Variants in SLC4A9 observed in about 807,000 individuals in gnomAD.
SLC4A9 encodes the protein anion exchange protein 4.
In SLC4A9, 102 loss-of-function variants were observed where a neutral mutation model predicts 103.2. That is an observed-to-expected ratio of 0.99 (90% confidence interval 0.84 to 1.17). The LOEUF is 1.17. SLC4A9 is among the 50% of genes most tolerant of loss of function. The pLI, the probability that SLC4A9 is intolerant of heterozygous loss-of-function variation, is 0.00. For missense variants in SLC4A9, 1,091 were observed against 1,193.7 expected, an observed-to-expected ratio of 0.91 and a Z score of 1.27; for synonymous variants, 453 against 483.6, an observed-to-expected ratio of 0.94 and a Z score of 0.83.
Position 140,363,727 on chromosome 5 carries a change from G to A in SLC4A9, c.1080-1G>A, listed in dbSNP as rs766339661. On this transcript the variant is annotated splice_acceptor_variant, in intron 8 of 21. Coordinates refer to ENST00000506757, the MANE Select transcript of SLC4A9 (RefSeq NM_031467.3). LOFTEE classifies it high-confidence loss of function. The surrounding 1 kb of genome is among the most constrained non-coding windows in gnomAD (Gnocchi z 4.5). ...GATCACTGACGACCCTCGGGCGGGAGGCTGTTTGGGGGCCTTATCCAGGAC... is the reference window on the plus strand; with the variant it reads ...GATCACTGACGACCCTCGGGCGGGAAGCTGTTTGGGGGCCTTATCCAGGAC... 13 of 1,613,434 alleles carry A rather than the reference G, an allele frequency of 8.1e-6. No homozygotes were observed. In the African/African-American group the frequency reaches 1.7e-4, roughly 22 times the overall value.
Position 140,366,157 on chromosome 5 carries a change from A to C in SLC4A9, c.1906A>C (p.Lys636Gln). 1 of 1,613,478 alleles carries C rather than the reference A, an allele frequency of 6.2e-7. No individual in the cohort carries two copies. The highest frequency in any genetic ancestry group is 8.5e-7 in the Non-Finnish European group (1 of 1,179,616). ...TSRFFPSVVR[K>Q]GLSDFSSVLA... ...AGTGTCCACTGTGTGCCAGGTGCGC[A>C]AAGGGCTCAGCGACTTCTCCTCAGT... The change falls in exon 14 of 22, where the codon AAA becomes CAA. Residue 636 changes from lysine (K) to glutamine (Q), a missense_variant. Physicochemically the swap from Lys to Gln is moderately conservative, Grantham distance 53 (BLOSUM62 1). Coordinates refer to ENST00000506757, the MANE Select transcript of SLC4A9 (RefSeq NM_031467.3).
chr5:140,370,622 C>CT (rs1240273275), intron 17 of SLC4A9, among the ~76,000 whole-genome samples: 1 of 152,084 alleles, frequency 6.6e-6, no homozygotes, highest in Non-Finnish European at 1.5e-5. Flanking sequence ...CAATGAAGAC[C>CT]TTTCAGGGTG....
Position 140,360,510 on chromosome 5 carries a change from C to T in SLC4A9, c.230+44C>T, listed in dbSNP as rs1766908409. 6.0e-6 allele frequency: 9 copies of T among 1,502,358 alleles called. 1 individual carries two copies. In the South Asian group the frequency reaches 1.1e-4, roughly 18 times the overall value. The allele number at this position is 1,502,358 out of a possible 1,614,324, so 93.1% of individuals were successfully genotyped here. ...AGTTCTGTGGGATCCTTCCCCTTCC[C>T]CAGCTGGAGCCTCCTATATGTCCCC... On this transcript the variant is annotated intron_variant, in intron 1 of 21. Coordinates refer to ENST00000506757, the MANE Select transcript of SLC4A9 (RefSeq NM_031467.3).
intron 17 of SLC4A9, among the ~76,000 whole-genome samples, chr5:140,370,189 C>T (rs1180895346): frequency 2.6e-5 from 4 of 151,094 alleles, no homozygotes; most frequent in Non-Finnish European, 5.9e-5. Flanking sequence ...AGAAGCCAGG[C>T]ACGGTGGCTC....
chr5:140,362,668 G>A (rs1468192103), intron 6 of SLC4A9, 136 bp downstream of exon 6: 2 of 1,011,176 alleles, frequency 2.0e-6, no homozygotes, highest in South Asian at 1.4e-5. Context: ...CAGCAATGAG[G>A]CACAGTGAGC....
At chr5:140,368,507 C>A in intron 16 of SLC4A9, 80 bp from the exon 17 acceptor site, 1 of 1,247,458 alleles carries the variant, frequency 8.0e-7, no homozygotes, top group Non-Finnish European at 1.1e-6. Context: ...GGGGTCTGTA[C>A]TGGTATTCAG....
At position 140,362,898 on chromosome 5, in the gene SLC4A9, G is replaced by A. The variant is rs192346376; in HGVS notation, c.808-14G>A. 5.5e-5 allele frequency: 88 copies of A among 1,613,956 alleles called. No homozygotes were observed. The East Asian group carries it at 1.9e-3, about 35-fold the overall frequency. ...GGTTTGCACTTACCACCCATTCTGT[G>A]CCCCCATTCCCAGCAATTCCAGTGG... On this transcript the variant is annotated splice_polypyrimidine_tract_variant and intron_variant, in intron 6 of 21. Transcript: ENST00000506757.
At chr5:140,366,830 G>A (rs1347086230) in intron 14 of SLC4A9, among the ~76,000 whole-genome samples, 1 of 152,158 alleles carries the variant, frequency 6.6e-6, no homozygotes. Context: ...CCCTGATCCA[G>A]GAAAGCTGGA....
In SLC4A9 at chr5:140,360,914, G is replaced by A. The variant is rs753041965; in HGVS notation, c.333G>A (p.Leu111=). Reference sequence around the variant, plus strand: ...CCAGCCTCCAGAAGCTCCGCAGCCTGCTGGCCGAGGGCCTTGTACTGCTGG... The same window carrying A: ...CCAGCCTCCAGAAGCTCCGCAGCCTACTGGCCGAGGGCCTTGTACTGCTGG... ...ALPSLQKLRS[L]LAEGLVLLDC... The change falls in exon 2 of 22, where the codon CTG becomes CTA. Residue 111 remains leucine, a synonymous_variant. Transcript: ENST00000506757. The A allele has an allele frequency of 2.4e-5, 38 of 1,604,912 alleles. No homozygotes were observed. The highest frequency in any genetic ancestry group is 3.1e-5 in the Non-Finnish European group (37 of 1,176,270).
At position 140,362,200 on chromosome 5, in the gene SLC4A9, C is replaced by T. The variant is rs6865864; in HGVS notation, c.719+26C>T. On this transcript the variant is annotated intron_variant, in intron 5 of 21. Coordinates refer to ENST00000506757, the MANE Select transcript of SLC4A9 (RefSeq NM_031467.3). ...GTGAGGCTACTGAGTGAGTGGGAGT[C>T]AGGGATCCCAGAACCTAGAAGGGTC... 3.2e-3 allele frequency: 4,788 copies of T among 1,497,692 alleles called. 141 individuals carry two copies. The African/African-American group carries it at 0.058, about 18-fold the overall frequency. 92.8% of individuals were successfully genotyped at this position (1,497,692 alleles called of 1,614,324 possible).
intron 6 of SLC4A9, 30 bp downstream of exon 6, chr5:140,362,562 G>A (rs764833730): frequency 1.4e-5 from 23 of 1,594,514 alleles, no homozygotes; most frequent in South Asian, 2.2e-5. Context: ...GTGTGTGCGC[G>A]CGCACGCGTG....
Position 140,363,745 on chromosome 5 carries a change from T to C in SLC4A9, c.1097T>C (p.Ile366Thr). Residue 366 changes from isoleucine (I) to threonine (T), a missense_variant, in exon 9 of 22, where the codon ATC becomes ACC. Coordinates refer to ENST00000506757, the MANE Select transcript of SLC4A9 (RefSeq NM_031467.3). The surrounding 1 kb of genome is among the most constrained non-coding windows in gnomAD (Gnocchi z 4.5). ...GGCGGGAGGCTGTTTGGGGGCCTTA[T>C]CCAGGACGTGCGCAGGAAGGTCCCG... ...QRTGRLFGGL[I>T]QDVRRKVPWY... The C allele has an allele frequency of 6.2e-7, 1 of 1,613,762 alleles. No homozygotes were observed. The highest frequency in any genetic ancestry group is 2.2e-5 in the East Asian group (1 of 44,870).
At chr5:140,369,653 G>T (rs544463296) in intron 17 of SLC4A9, among the ~76,000 whole-genome samples, 1 of 152,180 alleles carries the variant, frequency 6.6e-6, no homozygotes, top group Non-Finnish European at 1.5e-5. Context: ...CAGATGGACC[G>T]GATCAGCCAC....
At chr5:140,361,608 T>C (rs929799945) in intron 3 of SLC4A9, among the ~76,000 whole-genome samples, 200 bp from the exon 4 acceptor site, 4 of 152,348 alleles carry the variant, frequency 2.6e-5, no homozygotes, top group Admixed American at 2.6e-4. Flanking sequence ...ATCTTCACAG[T>C]ATCTCATTTG....
At chr5:140,371,419 G>T (rs753925103) in intron 18 of SLC4A9, 32 bp from the exon 19 acceptor site, 2 of 1,612,838 alleles carry the variant, frequency 1.2e-6, no homozygotes, top group African/African-American at 2.7e-5. Flanking sequence ...CTACCTGAGT[G>T]CCCTGCTTTC....
In SLC4A9 at chr5:140,371,117, A is replaced by G; in HGVS notation, c.2450A>G (p.Tyr817Cys). ...CAGTTCATTCCAATGCCTGTGCTCT[A>G]TGGCATCTTCCTGTATATGGGGGTG... Reference protein sequence around the residue: ...VLKFIPMPVLYGIFLYMGVAA... With the variant: ...VLKFIPMPVLCGIFLYMGVAA... The change falls in exon 18 of 22, where the codon TAT (tyrosine) becomes TGT (cysteine). Residue 817 changes from tyrosine to cysteine, a missense_variant. Tyr to Cys is a radical substitution (Grantham distance 194). Coordinates refer to ENST00000506757, the MANE Select transcript of SLC4A9 (RefSeq NM_031467.3). 1 of 1,612,302 alleles carries G rather than the reference A, an allele frequency of 6.2e-7. No individual in the cohort carries two copies. Among genetic ancestry groups the G allele is most frequent in the Non-Finnish European group, 8.5e-7 (1 of 1,179,202 alleles).
In SLC4A9 at chr5:140,360,285, C is replaced by T. The variant is rs1185856429; in HGVS notation, c.49C>T (p.Pro17Ser). 15 of 1,612,296 alleles carry T rather than the reference C, an allele frequency of 9.3e-6. No homozygotes were observed. The highest frequency in any genetic ancestry group is 3.3e-5 in the Admixed American group (2 of 59,784). The part of the protein sequence containing the change: ...GQEGFEASSA[P>S]RNIPSGELDS... ...GGAAGGGTTTGAAGCCTCCAGTGCT[C>T]CTAGAAATATTCCTTCAGGGGAGCT... Residue 17 changes from proline (P) to serine (S), a missense_variant, in exon 1 of 22, where the codon CCT becomes TCT. Pro to Ser is a moderately conservative substitution (Grantham distance 74). Transcript: ENST00000506757.
In SLC4A9 at chr5:140,363,199, ACT is replaced by A; in HGVS notation, c.962+136_962+137del. 2 of 1,229,018 alleles carry A rather than the reference ACT, an allele frequency of 1.6e-6. No individual in the cohort carries two copies. The highest frequency in any genetic ancestry group is 2.3e-6 in the Non-Finnish European group (2 of 881,328). 76.1% of individuals were successfully genotyped at this position (1,229,018 alleles called of 1,614,324 possible). ...TTGGATTTGGAGTCAGGCAGACCTA[ACT>A]CTGAGTTCTGCTGGACTACTCTCTC... On this transcript the variant is annotated intron_variant, in intron 7 of 21. Coordinates refer to ENST00000506757, the MANE Select transcript of SLC4A9 (RefSeq NM_031467.3). The surrounding 1 kb of genome is among the most constrained non-coding windows in gnomAD (Gnocchi z 4.5).
At chr5:140,361,699 G>T in intron 3 of SLC4A9, 109 bp from the exon 4 acceptor site, 1 of 1,197,444 alleles carries the variant, frequency 8.4e-7, no homozygotes, top group Non-Finnish European at 1.2e-6. Flanking sequence ...AGTGGAGAAG[G>T]GTATACTCTA....
Sources: allele counts gnomAD v4.1 joint callset (sites outside exome capture counted in the v4.1 genomes callset), GRCh38; gene constraint gnomAD v4.1.1; non-coding constraint Gnocchi (gnomAD v3.1); transcripts MANE v1.5; gene names NCBI Gene and HGNC (gene_info 2026-07-23, HGNC 2026-07-21).